RAPSN: variants seen among roughly 807,000 people sequenced by gnomAD.
The protein encoded by RAPSN is 43 kDa receptor-associated protein of the synapse.
In RAPSN, 33 loss-of-function variants were observed where a neutral mutation model predicts 45.7. That is an observed-to-expected ratio of 0.72 (90% CI 0.55 to 0.97). The LOEUF is 0.97. Among genes scored for constraint, RAPSN ranks in the 50% least tolerant of loss-of-function variants. The pLI is 0.00. For missense variants in RAPSN, 519 were observed against 559.4 expected, an observed-to-expected ratio of 0.93 and a Z score of 0.73; for synonymous variants, 244 against 233.6, an observed-to-expected ratio of 1.04 and a Z score of -0.40.
At chr11:47,443,481 C>T (rs555412239) in intron 2 of RAPSN, among the ~76,000 whole-genome samples, 12 of 152,308 alleles carry the variant, frequency 7.9e-5, no homozygotes, top group South Asian at 2.1e-4. Flanking sequence ...TCTGCTCCCA[C>T]GCTCCCTGCC....
intron 2 of RAPSN, 91 bp from the exon 3 acceptor site, chr11:47,442,905 G>A (rs962930829): frequency 3.8e-6 from 6 of 1,593,698 alleles, no homozygotes; most frequent in Middle Eastern, 1.7e-4. Flanking sequence ...CTAACAGCAG[G>A]TAGGGGCAGG....
At chr11:47,443,931 C>CAAAAAAAAAAAAAAAAAAAAAAAAAA (rs1161231934) in intron 2 of RAPSN, among the ~76,000 whole-genome samples, 4 of 13,968 alleles carry the variant, frequency 2.9e-4, no homozygotes, top group Non-Finnish European at 3.6e-4. Flanking sequence ...CTCTGTCTCA[C>CAAAAAAAAAAAAAAAAAAAAAAAAAA]AAAAAAAAAA....
Position 47,441,210 on chromosome 11 carries a change from A to G in RAPSN, c.915T>C (p.Ala305=), listed in dbSNP as rs200289519. 6.2e-7 allele frequency: 1 copy of G among 1,613,866 alleles called. No homozygotes were observed. The highest frequency in any genetic ancestry group is 2.2e-5 in the East Asian group (1 of 44,882). ...CCTGGGCTCTCTCGATGGCATCCAG[A>G]GCCTGGAAGGTGAGCATAGGCCAGG... ...CWVARKALDK[A]LDAIERAQDL... is the part of the protein sequence containing the mutation. Residue 305 remains alanine, a splice_region_variant and synonymous_variant, in exon 6 of 8, where the codon GCT becomes GCC. Transcript: ENST00000298854.
At chr11:47,440,755 G>GT (rs1174753187) in intron 6 of RAPSN, among the ~76,000 whole-genome samples, 1 of 152,030 alleles carries the variant, frequency 6.6e-6, no homozygotes, top group African/African-American at 2.4e-5. Context: ...TCTCAAAAAT[G>GT]TTTTTTTCTT....
In RAPSN at chr11:47,441,746, G is replaced by A. The variant is rs767831311; in HGVS notation, c.790-13C>T. On this transcript the variant is annotated splice_polypyrimidine_tract_variant and intron_variant, in intron 4 of 7. Coordinates refer to ENST00000298854, the MANE Select transcript of RAPSN (RefSeq NM_005055.5). ...TGGGGAAGGCTGTCTGCAGAGCCAG[G>A]TGGGGGATGGAATCAGGCTGTATCA... The A allele has an allele frequency of 6.2e-7, 1 of 1,605,904 alleles. No individual in the cohort carries two copies. Among genetic ancestry groups the A allele is most frequent in the Admixed American group, 1.7e-5 (1 of 59,986 alleles).
intron 7 of RAPSN, 69 bp from the exon 8 acceptor site, chr11:47,438,116 C>T (rs2076328110): frequency 1.3e-6 from 2 of 1,516,678 alleles, no homozygotes; most frequent in Admixed American, 3.9e-5. Flanking sequence ...CTCTTCCTTC[C>T]TTGCCTGCCC....
At chr11:47,447,786 G>A (rs749463126) in intron 2 of RAPSN, 26 bp downstream of exon 2, 46 of 1,596,180 alleles carry the variant, frequency 2.9e-5, no homozygotes, top group Non-Finnish European at 3.8e-5. Context: ...ACCCTCCACT[G>A]CTGTCCCCCT....
chr11:47,447,205 C>T (rs908901426), intron 2 of RAPSN, among the ~76,000 whole-genome samples: 4 of 152,168 alleles, frequency 2.6e-5, no homozygotes, highest in African/African-American at 7.2e-5. Context: ...CGAGGCCCTC[C>T]GACCACTATA....
At position 47,438,763 on chromosome 11, in the gene RAPSN, C is replaced by A; in HGVS notation, c.1135G>T (p.Ala379Ser). The change falls in exon 7 of 8, where the codon GCC becomes TCC. Residue 379 changes from alanine (A) to serine (S), a missense_variant. Ala to Ser is a moderately conservative substitution (Grantham distance 99). Coordinates refer to ENST00000298854, the MANE Select transcript of RAPSN (RefSeq NM_005055.5). ...TGGAAGATGTGGGAGCAAGGTAGGG[C>A]CTGCAGCCGGCTGTTCTTCTCGCCT... Reference protein sequence around the residue: ...SIGEKNSRLQALPCSHIFHLR... With the variant: ...SIGEKNSRLQSLPCSHIFHLR... The A allele has an allele frequency of 6.4e-7, 1 of 1,564,316 alleles. No homozygotes were observed. Among genetic ancestry groups the A allele is most frequent in the South Asian group, 1.2e-5 (1 of 85,030 alleles).
At chr11:47,446,534 A>G (rs2076407971) in intron 2 of RAPSN, among the ~76,000 whole-genome samples, 1 of 152,096 alleles carries the variant, frequency 6.6e-6, no homozygotes, top group Non-Finnish European at 1.5e-5. Context: ...AAGATTTATT[A>G]AGCATCTACT....
chr11:47,448,643 G>C (rs1177367117), intron 1 of RAPSN, 130 bp downstream of exon 1: 1 of 1,185,996 alleles, frequency 8.4e-7, no homozygotes. Flanking sequence ...TATAAATTCA[G>C]AGCCTCGGGC....
intron 6 of RAPSN, among the ~76,000 whole-genome samples, chr11:47,439,642 C>T (rs2076347491): frequency 6.6e-6 from 1 of 151,282 alleles, no homozygotes; most frequent in African/African-American, 2.4e-5. Context: ...CGTAGAAATG[C>T]ACATCTGGAA....
chr11:47,439,807 G>A (rs529779914), intron 6 of RAPSN, among the ~76,000 whole-genome samples: 1 of 148,996 alleles, frequency 6.7e-6, no homozygotes. Context: ...CCACCTCCCG[G>A]GTTCAAGTGA....
In RAPSN at chr11:47,442,752, T is replaced by A; in HGVS notation, c.594A>T (p.Lys198Asn). The part of the protein sequence containing the change: ...KAAELVNNYG[K>N]GWSLKYRAMS... ...TGGCCCGGTACTTCAGGCTCCAGCC[T>A]TTGCCATAGTTGTTGACAAGCTCTG... The change falls in exon 3 of 8, where the codon AAA (lysine) becomes AAT (asparagine). Residue 198 changes from lysine (K) to asparagine (N), a missense_variant. Lys to Asn is a moderately conservative substitution (Grantham distance 94). Coordinates refer to ENST00000298854, the MANE Select transcript of RAPSN (RefSeq NM_005055.5). 1 of 1,614,266 alleles carries A rather than the reference T, an allele frequency of 6.2e-7. No homozygotes were observed. The highest frequency in any genetic ancestry group is 8.5e-7 in the Non-Finnish European group (1 of 1,180,046).
At chr11:47,444,945 C>T (rs534661285) in intron 2 of RAPSN, among the ~76,000 whole-genome samples, 10 of 147,082 alleles carry the variant, frequency 6.8e-5, no homozygotes, top group East Asian at 2.1e-4. Flanking sequence ...TTATTTTGGC[C>T]GGGCGCAGTG....
intron 2 of RAPSN, among the ~76,000 whole-genome samples, chr11:47,444,857 C>CA (rs10611957): frequency 0.039 from 3,147 of 80,630 alleles, 183 homozygotes; most frequent in African/African-American, 0.14. Context: ...GACACTGTCT[C>CA]AAAAAAAAAA....
intron 2 of RAPSN, 87 bp from the exon 3 acceptor site, chr11:47,442,901 G>A: frequency 1.3e-6 from 2 of 1,593,518 alleles, no homozygotes; most frequent in Admixed American, 1.7e-5. Flanking sequence ...TTCTCTAACA[G>A]CAGGTAGGGG....
intron 2 of RAPSN, among the ~76,000 whole-genome samples, chr11:47,446,612 A>G (rs773354668): frequency 1.2e-4 from 18 of 152,266 alleles, no homozygotes; most frequent in Admixed American, 7.2e-4. Context: ...GGGAACAAAA[A>G]TACCCAGGGT....
At chr11:47,443,436 C>T (rs1433792932) in intron 2 of RAPSN, among the ~76,000 whole-genome samples, 1 of 152,174 alleles carries the variant, frequency 6.6e-6, no homozygotes, top group African/African-American at 2.4e-5. Context: ...AGCTCCTTCC[C>T]CTCCTGTCTC....
Sources: gnomAD v4.1 joint callset for allele counts (sites outside exome capture counted in the v4.1 genomes callset) on GRCh38, gnomAD v4.1.1 for gene constraint, MANE v1.5 for transcripts, NCBI Gene and HGNC (gene_info 2026-07-23, HGNC 2026-07-21) for gene names.